The following DPH6 variants were observed in gnomAD, a reference collection of about 807,000 sequenced individuals.
The protein encoded by DPH6 is diphthamine biosynthesis 6.
In DPH6, 33 loss-of-function variants were observed where a neutral mutation model predicts 38.2. That is an observed-to-expected ratio of 0.86 (90% CI 0.65 to 1.15). The LOEUF (loss-of-function observed/expected upper bound fraction) is 1.15, where lower values mean the gene tolerates loss of function less well. Ranked by LOEUF, DPH6 falls within the 50% of genes most tolerant of loss-of-function variation. The probability of loss-of-function intolerance (pLI) is 0.00; values close to 1 mark genes in which losing one functional copy is unlikely to be tolerated. For synonymous variants in DPH6, 108 were observed against 103.0 expected (o/e 1.05, Z -0.30); for missense variants, 325 against 320.0 (o/e 1.02, Z -0.12).
chr15:35,186,658 T>C, the DPH6 span, among the ~76,000 whole-genome samples: 2 of 152,262 alleles, frequency 1.3e-5, no homozygotes, highest in African/African-American at 2.4e-5. Context: ...AGTTGTTATG[T>C]ATTTTCTATT....
chr15:35,317,853 C>T (rs531622075), intron 3 of DPH6, among the ~76,000 whole-genome samples: 5 of 151,994 alleles, frequency 3.3e-5, no homozygotes, highest in Admixed American at 6.6e-5. Flanking sequence ...AGTTATATTA[C>T]GTTGTAATAA....
the DPH6 span, among the ~76,000 whole-genome samples, chr15:35,183,004 C>T: frequency 6.6e-6 from 1 of 152,138 alleles, no homozygotes; most frequent in Non-Finnish European, 1.5e-5. Context: ...CTGTAGCCCA[C>T]ATTACAGAAA....
rs2051764702 is a variant in DPH6, at chr15:35,263,775, G to A, written n.201-43193C>T. 3.3e-5 allele frequency among the ~76,000 whole-genome samples: 5 copies of A among 151,240 alleles called. No individual in the cohort carries two copies. In the South Asian group the frequency reaches 1.0e-3, roughly 32 times the overall value. The stretch of plus-strand genomic sequence containing the variant: ...CACTCAGGCTGGAGTGCAGTGGAGC[G>A]ATCTCTGCTCACTCCAAGCTCAGCC... On this transcript the variant is annotated intron_variant and non_coding_transcript_variant, in intron 3 of 3. Coordinates refer to the DPH6 transcript ENST00000560386.
chr15:35,366,375 T>C (rs529171848), downstream of DPH6, among the ~76,000 whole-genome samples: 26 of 151,990 alleles, frequency 1.7e-4, no homozygotes, highest in South Asian at 5.2e-3. Flanking sequence ...TGGAAAGTTT[T>C]AAAGGGCCCT....
intron 3 of DPH6, among the ~76,000 whole-genome samples, chr15:35,236,201 T>G (rs2051549725): frequency 6.6e-6 from 1 of 152,194 alleles, no homozygotes. Flanking sequence ...TAGGTCCATA[T>G]AAGTAGTCAA....
intron 3 of DPH6, among the ~76,000 whole-genome samples, chr15:35,242,625 T>C (rs1595443239): frequency 7.0e-6 from 1 of 143,020 alleles, no homozygotes; most frequent in African/African-American, 2.5e-5. Context: ...AGACTAATGG[T>C]CTATTAAAAA....
intron 3 of DPH6, among the ~76,000 whole-genome samples, chr15:35,246,125 T>C (rs1259113231): frequency 2.0e-5 from 3 of 152,096 alleles, no homozygotes; most frequent in Non-Finnish European, 4.4e-5. Context: ...CCAAATCCTA[T>C]AAAACGGCCC....
intron 3 of DPH6, chr15:35,489,846 A>G (rs2054453564): frequency 3.1e-6 from 3 of 973,866 alleles, no homozygotes; most frequent in Middle Eastern, 5.3e-4. Flanking sequence ...AGGAATATTA[A>G]TAAGAGTTAC....
intron 3 of DPH6, among the ~76,000 whole-genome samples, chr15:35,286,962 A>T (rs936414849): frequency 1.3e-5 from 2 of 152,180 alleles, no homozygotes; most frequent in African/African-American, 2.4e-5. Context: ...TCATGGGAGA[A>T]GCAACAGGTG....
At chr15:35,255,546 A>T (rs572621794) in intron 3 of DPH6, among the ~76,000 whole-genome samples, 67 of 152,126 alleles carry the variant, frequency 4.4e-4, no homozygotes, top group Non-Finnish European at 8.8e-4. Context: ...CCCTGAGATA[A>T]ATGTTACTTT....
At chr15:35,346,122 C>A (rs2052459731) in intron 3 of DPH6, among the ~76,000 whole-genome samples, 1 of 152,006 alleles carries the variant, frequency 6.6e-6, no homozygotes, top group Non-Finnish European at 1.5e-5. Context: ...AAAGGACATG[C>A]AGTCATCTTT....
chr15:35,380,287 C>T (rs1056119425), intron 7 of DPH6, among the ~76,000 whole-genome samples: 2 of 152,226 alleles, frequency 1.3e-5, no homozygotes, highest in Non-Finnish European at 2.9e-5. Context: ...TTCTCTTTAA[C>T]AGCATGAGTA....
At chr15:35,160,553 C>T in the DPH6 span, among the ~76,000 whole-genome samples, 1 of 151,786 alleles carries the variant, frequency 6.6e-6, no homozygotes. Flanking sequence ...CAGGTAGTGA[C>T]AAAATCGCTA....
Position 35,443,155 on chromosome 15 carries a change from T to C in DPH6, c.505+7530A>G, listed in dbSNP as rs188497281. ...GAGAGGGGAAATTCATAAAAGCACA[T>C]ACAAAAAATTCTTTTTAACTGTTCT... is the stretch of plus-strand genomic sequence containing the variant. On this transcript the variant is annotated intron_variant, in intron 5 of 8. Transcript: ENST00000256538. Among the ~76,000 whole-genome samples the C allele has an allele frequency of 2.6e-5, 4 of 152,218 alleles. No individual in the cohort carries two copies. The East Asian group carries it at 7.7e-4, about 29-fold the overall frequency.
chr15:35,201,129 ATT>A, the DPH6 span, among the ~76,000 whole-genome samples: 1 of 151,038 alleles, frequency 6.6e-6, no homozygotes, highest in Non-Finnish European at 1.5e-5. Flanking sequence ...TTTTATGAGT[ATT>A]TATATTTAAT....
intron 1 of DPH6, among the ~76,000 whole-genome samples, chr15:35,542,989 G>A (rs1195866125): frequency 2.5e-5 from 1 of 39,760 alleles, no homozygotes; most frequent in African/African-American, 7.3e-5. Context: ...AGAAATTATT[G>A]GGAAAAAAAA....
At chr15:35,160,577 A>G in the DPH6 span, among the ~76,000 whole-genome samples, 1 of 151,788 alleles carries the variant, frequency 6.6e-6, no homozygotes, top group Non-Finnish European at 1.5e-5. Context: ...ATAGTATCCA[A>G]TAGGTAGTTT....
chr15:35,479,335 A>G (rs1005301571), intron 3 of DPH6, among the ~76,000 whole-genome samples: 5 of 152,124 alleles, frequency 3.3e-5, no homozygotes, highest in African/African-American at 9.6e-5. Context: ...ACTGAATCTT[A>G]AAGTTTTGAT....
intron 3 of DPH6, among the ~76,000 whole-genome samples, chr15:35,530,203 A>G (rs1473436609): frequency 6.6e-6 from 1 of 152,178 alleles, no homozygotes; most frequent in Non-Finnish European, 1.5e-5. Context: ...AATGAAGTAG[A>G]AGACTATAGG....
Sources: gnomAD v4.1 joint callset for allele counts (sites outside exome capture counted in the v4.1 genomes callset) on GRCh38, gnomAD v4.1.1 for gene constraint, MANE v1.5 for transcripts, NCBI Gene and HGNC (gene_info 2026-07-23, HGNC 2026-07-21) for gene names.